Variants in C12orf54 observed in about 807,000 individuals in gnomAD.
C12orf54 encodes uncharacterized protein C12orf54.
In C12orf54, 24 loss-of-function variants were observed where a neutral mutation model predicts 26.4. That is an observed-to-expected ratio of 0.91 (90% confidence interval 0.66 to 1.28). The LOEUF (loss-of-function observed/expected upper bound fraction) is 1.28. Among genes scored for constraint, C12orf54 ranks in the 50% most tolerant of loss-of-function variants. The pLI is 0.00. For synonymous variants in C12orf54, 54 were observed against 47.0 expected (o/e 1.15, Z -0.61); for missense variants, 154 against 150.9 (o/e 1.02, Z -0.11).
chr12:48,443,925 C>T, the C12orf54 span, among the ~76,000 whole-genome samples: 163 of 152,338 alleles, frequency 1.1e-3, no homozygotes, highest in African/African-American at 3.4e-3. Flanking sequence ...ATCCAAACAC[C>T]GCCCAGCATT....
intron 5 of C12orf54, among the ~76,000 whole-genome samples, chr12:48,490,424 G>A (rs964616361): frequency 2.6e-5 from 4 of 152,172 alleles, no homozygotes; most frequent in African/African-American, 9.7e-5. Context: ...GGAGGCTGAG[G>A]TTGCCAGGTC....
the C12orf54 span, among the ~76,000 whole-genome samples, chr12:48,420,437 G>A: frequency 6.6e-6 from 1 of 152,282 alleles, no homozygotes; most frequent in East Asian, 1.9e-4. Context: ...AAAACTTGAA[G>A]TTGCAAATTC....
At chr12:48,433,177 C>A in the C12orf54 span, among the ~76,000 whole-genome samples, 3 of 152,148 alleles carry the variant, frequency 2.0e-5, no homozygotes, top group South Asian at 6.2e-4. Flanking sequence ...ATGGCAACAG[C>A]AGATCAGCCT....
chr12:48,443,312 G>A, the C12orf54 span, among the ~76,000 whole-genome samples: 20,135 of 152,228 alleles, frequency 0.13, 1,689 homozygotes, highest in Non-Finnish European at 0.2. Context: ...GGCAGAAATG[G>A]TGTCTCTGAG....
At chr12:48,483,162 G>GAGACATCTGTCCT in intron 1 of C12orf54, 78 bp from the exon 2 acceptor site, 2 of 679,312 alleles carry the variant, frequency 2.9e-6, no homozygotes, top group Non-Finnish European at 5.1e-6. Context: ...ATTAACTGCT[G>GAGACATCTGTCCT]GTAGTTCTCC....
chr12:48,476,892 G>A, the C12orf54 span, among the ~76,000 whole-genome samples: 299 of 152,124 alleles, frequency 2.0e-3, 1 homozygote, highest in South Asian at 5.8e-3. Context: ...TGCACCAAGC[G>A]GACCTAATAG....
chr12:48,439,368 TACCATTTG>T, the C12orf54 span, among the ~76,000 whole-genome samples: 2 of 152,176 alleles, frequency 1.3e-5, no homozygotes, highest in Non-Finnish European at 2.9e-5. Context: ...GAACTAGAAA[TACCATTTG>T]ACCCAGTCAT....
chr12:48,416,720 G>C, the C12orf54 span, among the ~76,000 whole-genome samples: 2 of 152,076 alleles, frequency 1.3e-5, no homozygotes, highest in Non-Finnish European at 2.9e-5. Context: ...AAATTAGCTG[G>C]GCATGGTGGC....
At chr12:48,449,480 T>G in the C12orf54 span, among the ~76,000 whole-genome samples, 6 of 152,222 alleles carry the variant, frequency 3.9e-5, no homozygotes, top group African/African-American at 1.2e-4. Context: ...ATTTATGGTT[T>G]GTAGGCCATG....
At chr12:48,423,810 T>A in the C12orf54 span, among the ~76,000 whole-genome samples, 1 of 152,102 alleles carries the variant, frequency 6.6e-6, no homozygotes. Flanking sequence ...GCTACTCTTT[T>A]CATTTCAATC....
chr12:48,458,997 G>GA, the C12orf54 span, among the ~76,000 whole-genome samples: 8 of 28,580 alleles, frequency 2.8e-4, no homozygotes, highest in African/African-American at 4.4e-4. Flanking sequence ...CTCCTTTTTT[G>GA]AACCTCCTGT....
the C12orf54 span, among the ~76,000 whole-genome samples, chr12:48,474,436 G>A: frequency 2.0e-5 from 3 of 152,280 alleles, no homozygotes; most frequent in African/African-American, 7.2e-5. Context: ...CCCGAAGCAG[G>A]GCGAGGCATC....
chr12:48,489,391 G>T, intron 5 of C12orf54: 1 of 286,006 alleles, frequency 3.5e-6, no homozygotes. Flanking sequence ...TGCTCTCCTC[G>T]GCTCTTCTTC....
At chr12:48,447,649 G>A in the C12orf54 span, among the ~76,000 whole-genome samples, 57 of 152,032 alleles carry the variant, frequency 3.7e-4, 2 homozygotes, top group East Asian at 4.6e-3. Context: ...ATGGTTTCTC[G>A]TGTAGCTTCT....
At chr12:48,489,936 G>T (rs1937750546) in intron 5 of C12orf54, among the ~76,000 whole-genome samples, 1 of 151,874 alleles carries the variant, frequency 6.6e-6, no homozygotes, top group African/African-American at 2.4e-5. Flanking sequence ...TGATCAGGCT[G>T]GTCTTGAACT....
chr12:48,415,248 T>C, the C12orf54 span, among the ~76,000 whole-genome samples: 1 of 152,130 alleles, frequency 6.6e-6, no homozygotes, highest in Non-Finnish European at 1.5e-5. Context: ...CAAAAACAAA[T>C]AGCTCCCTTG....
chr12:48,487,903 T>G, intron 4 of C12orf54: 1 of 591,122 alleles, frequency 1.7e-6, no homozygotes, highest in South Asian at 2.1e-5. Flanking sequence ...TTTGGTTTTA[T>G]AAGAAACTGC....
chr12:48,464,773 A>G, the C12orf54 span, among the ~76,000 whole-genome samples: 1 of 152,320 alleles, frequency 6.6e-6, no homozygotes, highest in Non-Finnish European at 1.5e-5. Flanking sequence ...CCACACACCT[A>G]CAACTATCTG....
chr12:48,431,934 T>A, the C12orf54 span, among the ~76,000 whole-genome samples: 1 of 152,172 alleles, frequency 6.6e-6, no homozygotes, highest in Non-Finnish European at 1.5e-5. Context: ...AACCATTGAC[T>A]TGTGCACTTT....
Sources: allele counts gnomAD v4.1 joint callset (sites outside exome capture counted in the v4.1 genomes callset), GRCh38; gene constraint gnomAD v4.1.1; transcripts MANE v1.5; gene names NCBI Gene and HGNC (gene_info 2026-07-23, HGNC 2026-07-21).